The following HTR7 variants were observed in gnomAD, a reference collection of about 807,000 sequenced individuals.
HTR7 encodes the protein 5-HT-7.
HTR7 carries 16 observed loss-of-function variants against 34.0 expected under a neutral mutation model. The ratio of observed to expected loss-of-function variants is 0.47; its 90% CI spans 0.32 to 0.71. HTR7 has a LOEUF of 0.71. Ranked by LOEUF, HTR7 falls within the 30% of genes least tolerant of loss-of-function variation. HTR7 has a pLI of 0.04. For synonymous variants in HTR7, 265 were observed against 260.2 expected, an observed-to-expected ratio of 1.02 and a Z score of -0.18; for missense variants, 504 against 625.5, an observed-to-expected ratio of 0.81 and a Z score of 2.07.
chr10:90,803,197 G>C (rs747620052), intron 1 of HTR7, among the ~76,000 whole-genome samples: 5 of 152,010 alleles, frequency 3.3e-5, no homozygotes, highest in Admixed American at 6.6e-5. Context: ...AGGAATAAAA[G>C]GAAGTAAAGT....
intron 1 of HTR7, among the ~76,000 whole-genome samples, chr10:90,761,072 A>T (rs905687193): frequency 6.6e-6 from 1 of 152,150 alleles, no homozygotes; most frequent in Non-Finnish European, 1.5e-5. Flanking sequence ...CATTTTTATA[A>T]ATTTTTTAAT....
chr10:90,854,227 C>T (rs1846545496), intron 1 of HTR7, among the ~76,000 whole-genome samples: 1 of 152,146 alleles, frequency 6.6e-6, no homozygotes, highest in African/African-American at 2.4e-5. Flanking sequence ...GTGGCGTGCA[C>T]CTGTAATCCT....
intron 1 of HTR7, among the ~76,000 whole-genome samples, chr10:90,852,800 C>A (rs1170722175): frequency 6.6e-6 from 1 of 151,900 alleles, no homozygotes; most frequent in African/African-American, 2.4e-5. Context: ...CAAGCAAAAC[C>A]CCAATGCATG....
In HTR7 at chr10:90,749,576, C is replaced by A; in HGVS notation, c.558G>T (p.Arg186Ser). The change falls in exon 2 of 4, where the codon AGG (arginine) becomes AGT (serine). Residue 186 changes from arginine (R) to serine (S), a missense_variant. Physicochemically the swap from Arg to Ser is moderately radical, Grantham distance 110 (BLOSUM62 -1). Transcript: ENST00000336152. This position sits in a 1 kb window ranked among gnomAD's most constrained non-coding sequence, Gnocchi z 4.2. The stretch of plus-strand genomic sequence containing the variant: ...TCTGCCTCACAGGGTATGTGAGGGG[C>A]CTTGTGATCCCAAGGTACCTAGTGG... ...ISIDRYLGIT[R>S]PLTYPVRQNG... is the part of the protein sequence containing the mutation. The A allele has an allele frequency of 6.2e-7, 1 of 1,610,060 alleles. No individual in the cohort carries two copies. Among genetic ancestry groups the A allele is most frequent in the Non-Finnish European group, 8.5e-7 (1 of 1,177,428 alleles).
chr10:90,749,511 A>G lies in HTR7; in HGVS notation c.623T>C (p.Leu208Pro), dbSNP rs761437137. 6.2e-7 allele frequency: 1 copy of G among 1,614,200 alleles called. No homozygotes were observed. Among genetic ancestry groups the G allele is most frequent in the Admixed American group, 1.7e-5 (1 of 60,030 alleles). ...CMAKMILSVW[L>P]LSASITLPPL... ...AGGTAAGGTGATGGAGGCGGAGAGA[A>G]GCCAGACGGAGAGAATCATCTTCGC... The change falls in exon 2 of 4, where the codon CTT becomes CCT. Residue 208 changes from leucine to proline, a missense_variant. Around this residue, in one of 4 missense-constraint regions of HTR7, gnomAD observed 154 missense variants for 248.8 expected, o/e 0.62. Transcript: ENST00000336152. This position sits in a 1 kb window ranked among gnomAD's most constrained non-coding sequence, Gnocchi z 4.2.
chr10:90,798,128 T>G (rs1491004218), intron 1 of HTR7, among the ~76,000 whole-genome samples: 1 of 152,190 alleles, frequency 6.6e-6, no homozygotes, highest in African/African-American at 2.4e-5. Flanking sequence ...GAGGGAACAT[T>G]CAAACCACAG....
chr10:90,752,178 T>TC (rs1283047776), intron 1 of HTR7, among the ~76,000 whole-genome samples: 1 of 152,004 alleles, frequency 6.6e-6, no homozygotes, highest in African/African-American at 2.4e-5. Context: ...AAGGCTAAAA[T>TC]CAACTGAAAT....
intron 1 of HTR7, among the ~76,000 whole-genome samples, chr10:90,804,611 G>C (rs529570455): frequency 6.6e-6 from 1 of 152,250 alleles, no homozygotes; most frequent in East Asian, 1.9e-4. Context: ...CTTCAGGTTT[G>C]GTAAAGGAGT....
chr10:90,763,708 C>T (rs1449927731), intron 1 of HTR7, among the ~76,000 whole-genome samples: 5 of 152,156 alleles, frequency 3.3e-5, no homozygotes, highest in African/African-American at 2.4e-5. Context: ...TGAGTGAGAA[C>T]ATGCAGTGTT....
At chr10:90,780,576 T>C (rs969115149) in intron 1 of HTR7, among the ~76,000 whole-genome samples, 1 of 149,380 alleles carries the variant, frequency 6.7e-6, no homozygotes, top group Non-Finnish European at 1.5e-5. Context: ...AAGCACAGTA[T>C]GTGCCACATG....
At chr10:90,823,879 G>A (rs1332835404) in intron 1 of HTR7, among the ~76,000 whole-genome samples, 3 of 152,200 alleles carry the variant, frequency 2.0e-5, no homozygotes, top group African/African-American at 7.2e-5. Context: ...TGGCCATGGG[G>A]AAGACATGCT....
At chr10:90,778,470 C>T (rs1487331306) in intron 1 of HTR7, among the ~76,000 whole-genome samples, 1 of 152,160 alleles carries the variant, frequency 6.6e-6, no homozygotes, top group African/African-American at 2.4e-5. Flanking sequence ...AGCAAGAAGG[C>T]CTTCACCAGA....
In HTR7 at chr10:90,842,199, G is replaced by C. The variant is rs545105057; in HGVS notation, c.539+14934C>G. On this transcript the variant is annotated intron_variant, in intron 1 of 3. Transcript: ENST00000336152. ...GATTAGCAACCTCATAAAAGGGCTGGAGTAAATTTGCTAGGCCCTTTTGCC... is the reference window on the plus strand; with the variant it reads ...GATTAGCAACCTCATAAAAGGGCTGCAGTAAATTTGCTAGGCCCTTTTGCC... 3.3e-5 allele frequency among the ~76,000 whole-genome samples: 5 copies of C among 152,120 alleles called. No individual in the cohort carries two copies. In the South Asian group the frequency reaches 1.0e-3, roughly 32 times the overall value.
chr10:90,744,264 A>G (rs994445108), intron 2 of HTR7, among the ~76,000 whole-genome samples: 3 of 149,720 alleles, frequency 2.0e-5, no homozygotes, highest in Non-Finnish European at 4.4e-5. Flanking sequence ...CAGCCACCCC[A>G]GCACACTAGA....
Position 90,749,597 on chromosome 10 carries a change from A to G in HTR7, c.540-3T>C, listed in dbSNP as rs1844703148. On this transcript the variant is annotated splice_region_variant and splice_polypyrimidine_tract_variant and intron_variant, in intron 1 of 3. Coordinates refer to ENST00000336152, the MANE Select transcript of HTR7 (RefSeq NM_019859.4). The surrounding 1 kb of genome is among the most constrained non-coding windows in gnomAD (Gnocchi z 4.2). Reference sequence around the variant, plus strand: ...GGGGCCTTGTGATCCCAAGGTACCTAGTGGAGAGATGGAAAGATAACAGAT... The same window carrying G: ...GGGGCCTTGTGATCCCAAGGTACCTGGTGGAGAGATGGAAAGATAACAGAT... 6.2e-7 allele frequency: 1 copy of G among 1,601,500 alleles called. No individual in the cohort carries two copies. Among genetic ancestry groups the G allele is most frequent in the Non-Finnish European group, 8.5e-7 (1 of 1,172,606 alleles).
intron 1 of HTR7, among the ~76,000 whole-genome samples, chr10:90,832,977 A>C (rs1175372073): frequency 6.6e-6 from 1 of 152,202 alleles, no homozygotes; most frequent in Non-Finnish European, 1.5e-5. Context: ...CCACTGGCTG[A>C]ACCCATTGAA....
chr10:90,821,566 G>A (rs1286724530), intron 1 of HTR7, among the ~76,000 whole-genome samples: 2 of 152,196 alleles, frequency 1.3e-5, no homozygotes, highest in African/African-American at 2.4e-5. Context: ...TAGGTCACAA[G>A]GACTGCAACT....
chr10:90,854,285 C>T (rs1335308178), intron 1 of HTR7, among the ~76,000 whole-genome samples: 3 of 152,222 alleles, frequency 2.0e-5, no homozygotes, highest in South Asian at 2.1e-4. Flanking sequence ...ACCCAGGAGG[C>T]GGAGGGTGCA....
At chr10:90,838,446 T>G (rs1846282880) in intron 1 of HTR7, among the ~76,000 whole-genome samples, 1 of 152,200 alleles carries the variant, frequency 6.6e-6, no homozygotes, top group African/African-American at 2.4e-5. Context: ...TTGCCTTGAC[T>G]AACGTAGAAG....
Sources: allele counts gnomAD v4.1 joint callset (sites outside exome capture counted in the v4.1 genomes callset), GRCh38; gene constraint gnomAD v4.1.1; regional missense constraint gnomAD v4.1.1; non-coding constraint Gnocchi (gnomAD v3.1); transcripts MANE v1.5; gene names NCBI Gene and HGNC (gene_info 2026-07-23, HGNC 2026-07-21).